Variants in WNK3 observed in about 807,000 individuals in gnomAD.
WNK3 encodes the protein serine/threonine-protein kinase WNK3.
Under a neutral mutation model 116.7 loss-of-function variants are expected in WNK3, and 18 were observed. That is an observed-to-expected ratio of 0.15 (90% confidence interval 0.11 to 0.23). The LOEUF (loss-of-function observed/expected upper bound fraction) is 0.23, where lower values mean the gene tolerates loss of function less well. Among genes scored for constraint, WNK3 ranks in the 10% least tolerant of loss-of-function variants. WNK3 has a pLI of 1.00. For synonymous variants in WNK3, 404 were observed against 469.4 expected, an observed-to-expected ratio of 0.86 and a Z score of 1.80; for missense variants, 993 against 1,323.8, an observed-to-expected ratio of 0.75 and a Z score of 3.88.
intron 2 of WNK3, among the ~76,000 whole-genome samples, chrX:54,315,460 T>C (rs1198773553): frequency 9.0e-6 from 1 of 111,653 alleles, no homozygotes; most frequent in Non-Finnish European, 1.9e-5. Context: ...GTTAGTTACA[T>C]AGATCTAGCT....
intron 6 of WNK3, among the ~76,000 whole-genome samples, chrX:54,298,766 G>C (rs933303733): frequency 8.9e-6 from 1 of 112,240 alleles, no homozygotes; most frequent in African/African-American, 3.2e-5. Context: ...ATTTCCCTAA[G>C]CCACTGGCTT....
chrX:54,214,071 G>C (rs1222833372), intron 22 of WNK3, among the ~76,000 whole-genome samples: 1 of 111,388 alleles, frequency 9.0e-6, no homozygotes, highest in Non-Finnish European at 1.9e-5. Flanking sequence ...CCACCTCCTG[G>C]GTTCAAGCAC....
In WNK3 at chrX:54,207,761, G is replaced by A. The variant is rs187493918; in HGVS notation, c.4871-5568C>T. 4.3e-3 allele frequency among the ~76,000 whole-genome samples: 475 copies of A among 110,158 alleles called. 2 individuals are homozygous for A. Among genetic ancestry groups the A allele is most frequent in the Middle Eastern group, 0.028 (6 of 216 alleles). ...ACTCCTGACCTCAGGTGATCCACCC[G>A]CCCCAGCCTCCCAAAGTGCTGGGAT... On this transcript the variant is annotated intron_variant, in intron 22 of 23. Coordinates refer to ENST00000354646, the Ensembl canonical transcript of WNK3.
intron 3 of WNK3, among the ~76,000 whole-genome samples, chrX:54,309,652 C>T (rs1320684547): frequency 2.7e-5 from 3 of 111,379 alleles, no homozygotes; most frequent in Non-Finnish European, 5.6e-5. Flanking sequence ...CATGCCTCAG[C>T]CTCCCAAGTA....
chrX:54,232,702 TTTAAA>T (rs2067915320), intron 21 of WNK3, 102 bp downstream of exon 21: 2 of 694,745 alleles, frequency 2.9e-6, no homozygotes, highest in Non-Finnish European at 4.2e-6. Flanking sequence ...TGTGTACTTC[TTTAAA>T]TTATTTTAGC....
chrX:54,349,323 G>A (rs2069481001), intron 1 of WNK3, among the ~76,000 whole-genome samples: 1 of 111,601 alleles, frequency 9.0e-6, no homozygotes, highest in Non-Finnish European at 1.9e-5. Flanking sequence ...GGGTGACAGA[G>A]CAAGACTCCA....
chrX:54,306,734 A>G (rs782804108), intron 5 of WNK3, among the ~76,000 whole-genome samples: 1 of 111,130 alleles, frequency 9.0e-6, no homozygotes, highest in South Asian at 3.8e-4. Context: ...GGGTAACTAC[A>G]GTCGATAATA....
chrX:54,357,935 G>C (rs189972022), exon 1 of WNK3: 1 of 112,630 alleles, frequency 8.9e-6, no homozygotes, highest in Non-Finnish European at 1.9e-5. Flanking sequence ...AGCTACGGCC[G>C]GTAGGTAAAG....
intron 1 of WNK3, among the ~76,000 whole-genome samples, chrX:54,345,003 A>G (rs1407164920): frequency 1.9e-5 from 2 of 107,439 alleles, no homozygotes; most frequent in African/African-American, 6.8e-5. Flanking sequence ...TAATCCCAGC[A>G]CTCTGGGAGG....
At chrX:54,313,413 G>A (rs1304893789) in intron 2 of WNK3, among the ~76,000 whole-genome samples, 6 of 107,283 alleles carry the variant, frequency 5.6e-5, no homozygotes, top group African/African-American at 2.1e-4. Flanking sequence ...GTGCAATGGC[G>A]CGATCTTGGC....
At chrX:54,221,982 C>A (rs1314150365) in intron 22 of WNK3, among the ~76,000 whole-genome samples, 1 of 111,213 alleles carries the variant, frequency 9.0e-6, no homozygotes, top group African/African-American at 3.3e-5. Context: ...TATGGTGAAA[C>A]CCTGTCTCTA....
At chrX:54,227,665 A>G (rs2067857684) in intron 22 of WNK3, among the ~76,000 whole-genome samples, 1 of 112,533 alleles carries the variant, frequency 8.9e-6, no homozygotes, top group Non-Finnish European at 1.9e-5. Flanking sequence ...AGCAAAAAAA[A>G]GAGAAAACAA....
intron 10 of WNK3, among the ~76,000 whole-genome samples, chrX:54,291,564 C>T (rs1012891664): frequency 3.4e-4 from 38 of 111,746 alleles, no homozygotes; most frequent in African/African-American, 1.2e-3. Flanking sequence ...GCATTATAGG[C>T]TTAGAAAGAG....
intron 11 of WNK3, among the ~76,000 whole-genome samples, chrX:54,256,856 A>G (rs1306217083): frequency 6.2e-5 from 7 of 112,497 alleles, no homozygotes; most frequent in African/African-American, 9.7e-5. Flanking sequence ...ACAAGTAATC[A>G]GAGGATAAAA....
intron 22 of WNK3, among the ~76,000 whole-genome samples, chrX:54,212,183 G>A (rs1044779893): frequency 8.9e-6 from 1 of 112,318 alleles, no homozygotes; most frequent in East Asian, 2.8e-4. Context: ...TGGAGATCAC[G>A]CTACTGCACT....
intron 10 of WNK3, among the ~76,000 whole-genome samples, chrX:54,267,584 G>A (rs145864786): frequency 0.025 from 2,774 of 110,079 alleles, 28 homozygotes; most frequent in Middle Eastern, 0.11. Context: ...TCAGGAGTTC[G>A]AGACCAGCCT....
intron 22 of WNK3, among the ~76,000 whole-genome samples, chrX:54,225,686 T>C (rs1273578283): frequency 1.8e-5 from 2 of 108,282 alleles, no homozygotes; most frequent in African/African-American, 6.7e-5. Context: ...AGACATACCA[T>C]GTTCACAGAT....
At chrX:54,313,520 T>C (rs1557170122) in intron 2 of WNK3, among the ~76,000 whole-genome samples, 1 of 110,490 alleles carries the variant, frequency 9.1e-6, no homozygotes, top group Non-Finnish European at 1.9e-5. Context: ...CCGGCTAATT[T>C]TGTATTTTTA....
At chrX:54,348,847 C>T (rs111934127) in intron 1 of WNK3, among the ~76,000 whole-genome samples, 1,188 of 111,925 alleles carry the variant, frequency 0.011, 14 homozygotes, top group African/African-American at 0.037. Flanking sequence ...ACAAGACCTA[C>T]ACATGTTAGA....
Sources: gnomAD v4.1 joint callset for allele counts (sites outside exome capture counted in the v4.1 genomes callset) on GRCh38, gnomAD v4.1.1 for gene constraint, MANE v1.5 for transcripts, NCBI Gene and HGNC (gene_info 2026-07-23, HGNC 2026-07-21) for gene names.